The following THSD7A variants were observed in gnomAD, a reference collection of about 807,000 sequenced individuals.
THSD7A encodes the protein thrombospondin type 1 domain containing 7A.
Under a neutral mutation model 231.3 loss-of-function variants are expected in THSD7A, and 96 were observed. That is an observed-to-expected ratio of 0.41 (90% CI 0.35 to 0.49). THSD7A has a LOEUF of 0.49. Among genes scored for constraint, THSD7A ranks in the 20% least tolerant of loss-of-function variants. The pLI, the probability that THSD7A is intolerant of heterozygous loss-of-function variation, is 0.05. For missense variants in THSD7A, 2,290 were observed against 2,070.2 expected, an observed-to-expected ratio of 1.11 and a Z score of -2.06; for synonymous variants, 940 against 743.3, an observed-to-expected ratio of 1.26 and a Z score of -4.30.
At chr7:11,500,775 A>T (rs1325904042) in intron 6 of THSD7A, among the ~76,000 whole-genome samples, 6 of 151,974 alleles carry the variant, frequency 3.9e-5, no homozygotes, top group Non-Finnish European at 5.9e-5. Context: ...TCTCTACTAA[A>T]AATACAACAA....
chr7:11,605,809 G>A (rs1294422737), intron 2 of THSD7A, among the ~76,000 whole-genome samples: 1 of 152,042 alleles, frequency 6.6e-6, no homozygotes, highest in Admixed American at 6.6e-5. Context: ...TTTCTCTAAA[G>A]CTTTTTCATA....
chr7:11,440,386 C>G (rs897986076), intron 13 of THSD7A, among the ~76,000 whole-genome samples: 5 of 151,992 alleles, frequency 3.3e-5, no homozygotes, highest in Admixed American at 3.3e-4. Flanking sequence ...TTCTGACTTA[C>G]AAGTCTTATT....
At chr7:11,536,252 T>G (rs1788911106) in intron 6 of THSD7A, among the ~76,000 whole-genome samples, 1 of 152,106 alleles carries the variant, frequency 6.6e-6, no homozygotes, top group Admixed American at 6.6e-5. Flanking sequence ...TTTAATCGGG[T>G]CTTTGGTTCC....
intron 2 of THSD7A, among the ~76,000 whole-genome samples, chr7:11,597,690 T>C (rs1278091310): frequency 6.6e-6 from 1 of 152,148 alleles, no homozygotes; most frequent in Non-Finnish European, 1.5e-5. Flanking sequence ...TGATTATACG[T>C]CATCAAGTCT....
intron 1 of THSD7A, among the ~76,000 whole-genome samples, chr7:11,804,268 A>T (rs1029833933): frequency 9.9e-5 from 15 of 152,168 alleles, no homozygotes; most frequent in African/African-American, 3.6e-4. Flanking sequence ...CTTTAGACAT[A>T]GCATTACATT....
intron 11 of THSD7A, among the ~76,000 whole-genome samples, chr7:11,455,265 A>G (rs1183639767): frequency 6.6e-6 from 1 of 152,058 alleles, no homozygotes; most frequent in African/African-American, 2.4e-5. Context: ...TGAGAAATAA[A>G]TTTTTGTTTA....
chr7:11,681,569 T>A (rs920658383), intron 1 of THSD7A, among the ~76,000 whole-genome samples: 5 of 150,568 alleles, frequency 3.3e-5, no homozygotes. Context: ...ACAAAATAAT[T>A]TTTTTTTAAG....
In THSD7A at chr7:11,371,703, CTAAAGCAAGTGTA is replaced by C. The variant is rs1274544827; in HGVS notation, c.*4078_*4090del. 1 of 147,652 alleles carries C rather than the reference CTAAAGCAAGTGTA, an allele frequency of 6.8e-6. No individual in the cohort carries two copies. Among genetic ancestry groups the C allele is most frequent in the African/African-American group, 2.5e-5 (1 of 40,002 alleles). 9.1% of individuals were successfully genotyped at this position (147,652 alleles called of 1,614,324 possible). A position where few individuals can be genotyped will look rare whatever the true frequency, so the allele number is the denominator to read the frequency against. On this transcript the variant is annotated 3_prime_UTR_variant, in exon 28 of 28. Transcript: ENST00000423059. ...TGGAGGCAGGAGGATATGGGATGGT[CTAAAGCAAGTGTA>C]GGCATGGACATTTTTACAGAAAAGG...
intron 23 of THSD7A, among the ~76,000 whole-genome samples, chr7:11,399,287 G>C (rs1783309174): frequency 6.6e-6 from 1 of 152,008 alleles, no homozygotes; most frequent in African/African-American, 2.4e-5. Context: ...AAATTATCTT[G>C]ACATTTTTAC....
intron 1 of THSD7A, among the ~76,000 whole-genome samples, chr7:11,785,555 T>C (rs1583289460): frequency 6.6e-6 from 1 of 152,168 alleles, no homozygotes; most frequent in East Asian, 1.9e-4. Flanking sequence ...ATCTGCTTTT[T>C]CCCATTTTTT....
chr7:11,788,973 C>G (rs1427520645), intron 1 of THSD7A, among the ~76,000 whole-genome samples: 1 of 151,768 alleles, frequency 6.6e-6, no homozygotes, highest in East Asian at 1.9e-4. Flanking sequence ...GGGTGTCAAA[C>G]AGGAACAAAT....
chr7:11,424,684 G>C lies in THSD7A; in HGVS notation c.3383+12C>G. 3.1e-6 allele frequency: 5 copies of C among 1,613,802 alleles called. No individual in the cohort carries two copies. Among genetic ancestry groups the C allele is most frequent in the Non-Finnish European group, 4.2e-6 (5 of 1,179,810 alleles). ...GTGTCTTGCTTTTCTGTATAATTAG[G>C]CTTTGTCTTACCTCACTTTTCGGGT... On this transcript the variant is annotated intron_variant, in intron 16 of 27. Coordinates refer to ENST00000423059, the MANE Select transcript of THSD7A (RefSeq NM_015204.3).
At chr7:11,413,099 A>G (rs1783839308) in intron 17 of THSD7A, among the ~76,000 whole-genome samples, 1 of 151,432 alleles carries the variant, frequency 6.6e-6, no homozygotes, top group Non-Finnish European at 1.5e-5. Flanking sequence ...TATATATATA[A>G]AGTTATATGT....
intron 1 of THSD7A, among the ~76,000 whole-genome samples, chr7:11,741,566 T>C (rs1782116029): frequency 6.6e-6 from 1 of 151,910 alleles, no homozygotes; most frequent in African/African-American, 2.4e-5. Flanking sequence ...ATAGATGAAA[T>C]ATCAGGGAAT....
At chr7:11,670,160 G>A (rs562029880) in intron 1 of THSD7A, among the ~76,000 whole-genome samples, 21 of 152,282 alleles carry the variant, frequency 1.4e-4, no homozygotes, top group Non-Finnish European at 2.4e-4. Context: ...TCAACATATG[G>A]CTGAATAGTT....
chr7:11,783,290 G>T (rs1176047672), intron 1 of THSD7A, among the ~76,000 whole-genome samples: 1 of 152,054 alleles, frequency 6.6e-6, no homozygotes, highest in African/African-American at 2.4e-5. Context: ...GCCTACTGGT[G>T]GGCAAAATCA....
At chr7:11,581,011 C>T (rs1469728176) in intron 4 of THSD7A, among the ~76,000 whole-genome samples, 1 of 152,002 alleles carries the variant, frequency 6.6e-6, no homozygotes, top group Non-Finnish European at 1.5e-5. Flanking sequence ...AAGTGAGATA[C>T]CTAAATTTGC....
chr7:11,516,340 T>A (rs1162963331), intron 6 of THSD7A, among the ~76,000 whole-genome samples: 1 of 152,210 alleles, frequency 6.6e-6, no homozygotes, highest in Non-Finnish European at 1.5e-5. Flanking sequence ...GTATGGTTAT[T>A]GATTAAGCTA....
chr7:11,569,809 T>C (rs550750839), intron 4 of THSD7A, among the ~76,000 whole-genome samples: 1 of 152,312 alleles, frequency 6.6e-6, no homozygotes, highest in South Asian at 2.1e-4. Flanking sequence ...TAAATAATAT[T>C]TGGTACATGT....
Sources: gnomAD v4.1 joint callset for allele counts (sites outside exome capture counted in the v4.1 genomes callset) on GRCh38, gnomAD v4.1.1 for gene constraint, MANE v1.5 for transcripts, NCBI Gene and HGNC (gene_info 2026-07-23, HGNC 2026-07-21) for gene names.